The following RASGRP1 variants were observed in gnomAD, a reference collection of about 807,000 sequenced individuals.
RASGRP1 encodes RAS guanyl releasing protein 1, also known as RAS guanyl-releasing protein 1.
In RASGRP1, 37 loss-of-function variants were observed where a neutral mutation model predicts 95.1. The ratio of observed to expected loss-of-function variants is 0.39; its 90% CI spans 0.30 to 0.51. The LOEUF (loss-of-function observed/expected upper bound fraction) is 0.51. RASGRP1 is among the 20% of genes least tolerant of loss of function. The pLI is 0.80. For synonymous variants in RASGRP1, 325 were observed against 353.4 expected, an observed-to-expected ratio of 0.92 and a Z score of 0.90; for missense variants, 711 against 965.4, an observed-to-expected ratio of 0.74 and a Z score of 3.49.
chr15:38,521,703 C>T (rs1892008543), intron 3 of RASGRP1, among the ~76,000 whole-genome samples: 1 of 152,158 alleles, frequency 6.6e-6, no homozygotes, highest in African/African-American at 2.4e-5. Context: ...TTCTTTTCTT[C>T]ATAGCTAGTA....
At chr15:38,506,703 A>G (rs1891274389) in intron 9 of RASGRP1, among the ~76,000 whole-genome samples, 1 of 152,024 alleles carries the variant, frequency 6.6e-6, no homozygotes, top group African/African-American at 2.4e-5. Context: ...TTAGGAGAGA[A>G]GTCCTTAGGA....
At chr15:38,542,831 ATGTG>A (rs901020599) in intron 2 of RASGRP1, among the ~76,000 whole-genome samples, 5 of 131,384 alleles carry the variant, frequency 3.8e-5, no homozygotes, top group Non-Finnish European at 7.7e-5. Context: ...ATACATATAT[ATGTG>A]TATATATATA....
At chr15:38,550,953 G>C (rs767094381) in intron 2 of RASGRP1, among the ~76,000 whole-genome samples, 5 of 152,130 alleles carry the variant, frequency 3.3e-5, no homozygotes, top group Non-Finnish European at 7.4e-5. Context: ...GGGACAGTTA[G>C]ATCTTTGCAA....
At chr15:38,496,598 T>G (rs62003588) in intron 15 of RASGRP1, among the ~76,000 whole-genome samples, 1,707 of 152,348 alleles carry the variant, frequency 0.011, 20 homozygotes, top group Non-Finnish European at 0.019. Context: ...CAATGGTGTT[T>G]GTGATTTCTA....
In RASGRP1 at chr15:38,498,811, G is replaced by C; in HGVS notation, c.1856C>G (p.Ala619Gly). Reference protein sequence around the residue: ...GPVSNLCSLGAKDLLHAPEEG... With the variant: ...GPVSNLCSLGGKDLLHAPEEG... ...CTACTTACCATGGAGCAGATCTTTG[G>C]CTCCCAATGAGCAAAGGTTGGACAC... is the stretch of plus-strand genomic sequence containing the variant. The change falls in exon 15 of 17, where the codon GCC (alanine) becomes GGC (glycine). Residue 619 changes from alanine to glycine, a missense_variant. Physicochemically the swap from Ala to Gly is moderately conservative, Grantham distance 60. Around this residue, in one of 3 missense-constraint regions of RASGRP1, gnomAD observed 212 missense variants for 247.8 expected, o/e 0.86. Transcript: ENST00000310803. 1 of 1,613,240 alleles carries C rather than the reference G, an allele frequency of 6.2e-7. No individual in the cohort carries two copies. The highest frequency in any genetic ancestry group is 8.5e-7 in the Non-Finnish European group (1 of 1,179,778).
rs545964648 is a variant in RASGRP1 at position 38,519,520 on chromosome 15, A to C, written c.327-149T>G. 7 of 654,876 alleles carry C rather than the reference A, an allele frequency of 1.1e-5. No homozygotes were observed. The African/African-American group carries it at 1.3e-4, about 12-fold the overall frequency. 40.6% of individuals were successfully genotyped at this position (654,876 alleles called of 1,614,324 possible). A position where few individuals can be genotyped will look rare whatever the true frequency, so the allele number is the denominator to read the frequency against. ...TTTATCTTTCTGGCCAAAGGATAAA[A>C]ACCAACTTGATGTGTACAGCTGTAT... On this transcript the variant is annotated intron_variant, in intron 3 of 16. Transcript: ENST00000310803.
At chr15:38,550,361 C>T (rs1321819981) in intron 2 of RASGRP1, among the ~76,000 whole-genome samples, 1 of 151,460 alleles carries the variant, frequency 6.6e-6, no homozygotes, top group Non-Finnish European at 1.5e-5. Context: ...CACTGTAATA[C>T]AAAATAAAAA....
intron 4 of RASGRP1, 55 bp from the exon 5 acceptor site, chr15:38,518,478 T>G: frequency 6.4e-7 from 1 of 1,554,112 alleles, no homozygotes; most frequent in Non-Finnish European, 8.7e-7. Context: ...GGACTCACAA[T>G]TTGTTGGGTT....
intron 12 of RASGRP1, among the ~76,000 whole-genome samples, chr15:38,501,687 A>AAGAT (rs1891031060): frequency 6.6e-6 from 1 of 152,252 alleles, no homozygotes; most frequent in African/African-American, 2.4e-5. Flanking sequence ...ATAGAGAACC[A>AAGAT]AGATAGAATT....
At position 38,557,465 on chromosome 15, in the gene RASGRP1, G is replaced by A. The variant is rs1036893185; in HGVS notation, c.220+2356C>T. Among the ~76,000 whole-genome samples, 14 of 152,172 alleles carry A rather than the reference G, an allele frequency of 9.2e-5. No homozygotes were observed. In the East Asian group the frequency reaches 2.7e-3, roughly 29 times the overall value. On this transcript the variant is annotated intron_variant, in intron 2 of 16. Transcript: ENST00000310803. ...CGCAGCATTCCCTTGGCCCGTGAGGGACTTGAACAAATGGTGGCTGTTCTC... is the reference window on the plus strand; with the variant it reads ...CGCAGCATTCCCTTGGCCCGTGAGGAACTTGAACAAATGGTGGCTGTTCTC...
In RASGRP1 at chr15:38,511,679, C is replaced by A. The variant is rs767305633; in HGVS notation, c.891G>T (p.Val297=). The A allele has an allele frequency of 6.8e-6, 11 of 1,613,648 alleles. No individual in the cohort carries two copies. In the South Asian group the frequency reaches 1.2e-4, roughly 18 times the overall value. The part of the protein sequence containing the change: ...QLQNFNTLMA[V]IGGLCHSSIS... ...TTGAGCTGTGACACAGCCCACCTAT[C>A]ACAGCCATCAGTGTATTGAAGTTCT... is the stretch of plus-strand genomic sequence containing the variant. Residue 297 remains valine, a synonymous_variant, in exon 8 of 17, where the codon GTG becomes GTT. Coordinates refer to ENST00000310803, the MANE Select transcript of RASGRP1 (RefSeq NM_005739.4).
intron 9 of RASGRP1, 58 bp from the exon 10 acceptor site, chr15:38,505,978 C>A: frequency 1.5e-6 from 2 of 1,335,184 alleles, no homozygotes; most frequent in East Asian, 2.4e-5. Flanking sequence ...TCTCCCACAG[C>A]TGATGGTTCT....
In RASGRP1 at chr15:38,561,483, T is replaced by C. The variant is rs577689994; in HGVS notation, c.36-1478A>G. ...TTTGTGGGACAGTGTCTGGGAAAGC[T>C]GCTCTGACAGGATATAATCTCAACC... On this transcript the variant is annotated intron_variant, in intron 1 of 16. Transcript: ENST00000310803. Among the ~76,000 whole-genome samples, 5 of 152,346 alleles carry C rather than the reference T, an allele frequency of 3.3e-5. No homozygotes were observed. In the East Asian group the frequency reaches 9.6e-4, roughly 29 times the overall value.
chr15:38,510,400 T>TG (rs1258403553), intron 8 of RASGRP1, among the ~76,000 whole-genome samples: 1 of 152,090 alleles, frequency 6.6e-6, no homozygotes, highest in Non-Finnish European at 1.5e-5. Flanking sequence ...CACTGGGAAG[T>TG]GGGGGGCCTC....
At chr15:38,516,035 T>G (rs1891766883) in intron 6 of RASGRP1, among the ~76,000 whole-genome samples, 162 bp downstream of exon 6, 1 of 151,740 alleles carries the variant, frequency 6.6e-6, no homozygotes, top group Non-Finnish European at 1.5e-5. Flanking sequence ...TCAAAGGAAT[T>G]CAGATGGTAC....
At chr15:38,497,367 C>A (rs1460003092) in intron 15 of RASGRP1, among the ~76,000 whole-genome samples, 2 of 151,818 alleles carry the variant, frequency 1.3e-5, no homozygotes, top group Non-Finnish European at 2.9e-5. Context: ...TCTACTTCAT[C>A]TCTTACCTAA....
chr15:38,563,942 A>T (rs1456084354), intron 1 of RASGRP1, among the ~76,000 whole-genome samples: 3 of 152,210 alleles, frequency 2.0e-5, no homozygotes, highest in Non-Finnish European at 4.4e-5. Flanking sequence ...TCCTTTGGCT[A>T]CAAACTCAAA....
intron 3 of RASGRP1, among the ~76,000 whole-genome samples, chr15:38,523,872 A>G (rs1037002735): frequency 1.4e-4 from 21 of 152,208 alleles, no homozygotes; most frequent in Admixed American, 1.0e-3. Flanking sequence ...GTAGCAGGCT[A>G]TGCCATCTAG....
Position 38,512,300 on chromosome 15 carries a change from T to G in RASGRP1, c.849+483A>C, listed in dbSNP as rs192606892. 3.8e-3 allele frequency among the ~76,000 whole-genome samples: 584 copies of G among 152,346 alleles called. 6 individuals are homozygous for G. Among genetic ancestry groups the G allele is most frequent in the African/African-American group, 0.013 (552 of 41,578 alleles). ...AGGACAGTAACTGGGACAGAGAAGC[T>G]AGAATCTCTGGGGAACTTCAAATAT... On this transcript the variant is annotated intron_variant, in intron 7 of 16. Coordinates refer to ENST00000310803, the MANE Select transcript of RASGRP1 (RefSeq NM_005739.4).
Sources: gnomAD v4.1 joint callset for allele counts (sites outside exome capture counted in the v4.1 genomes callset) on GRCh38, gnomAD v4.1.1 for gene constraint, gnomAD v4.1.1 regional missense constraint, MANE v1.5 for transcripts, NCBI Gene and HGNC (gene_info 2026-07-23, HGNC 2026-07-21) for gene names.